Variants in ANK2 observed in about 807,000 individuals in gnomAD.
ANK2 encodes ankyrin-2.
A neutral mutation model predicts 360.5 loss-of-function variants in ANK2; 83 were observed. That is an observed-to-expected ratio of 0.23 (90% CI 0.19 to 0.28). ANK2 has a LOEUF of 0.28. ANK2 is among the 10% of genes least tolerant of loss of function. ANK2 has a pLI of 1.00. For synonymous variants in ANK2, 1,740 were observed against 1,759.5 expected, an observed-to-expected ratio of 0.99 and a Z score of 0.28; for missense variants, 4,201 against 4,795.7, an observed-to-expected ratio of 0.88 and a Z score of 3.66.
rs1392480337 is a variant in ANK2, at chr4:113,373,705, T to C, written c.11859+256T>C. 6.0e-5 allele frequency: 38 copies of C among 633,204 alleles called. No individual in the cohort carries two copies. The East Asian group carries it at 1.2e-3, about 20-fold the overall frequency. 39.2% of individuals were successfully genotyped at this position (633,204 alleles called of 1,614,324 possible). Reference sequence around the variant, plus strand: ...AAATATCTATTCTTTATTTAATTCATGGTTGACCACTGCAGAAATCCAAAA... The same window carrying C: ...AAATATCTATTCTTTATTTAATTCACGGTTGACCACTGCAGAAATCCAAAA... On this transcript the variant is annotated intron_variant, in intron 45 of 45. Transcript: ENST00000357077.
intron 2 of ANK2, among the ~76,000 whole-genome samples, chr4:113,022,292 A>T (rs1354350974): frequency 6.6e-6 from 1 of 152,208 alleles, no homozygotes; most frequent in Admixed American, 6.5e-5. Context: ...GAGGAAAAGC[A>T]TTACTTCTAT....
At chr4:112,957,015 T>G (rs1022901113) in intron 2 of ANK2, among the ~76,000 whole-genome samples, 6 of 146,408 alleles carry the variant, frequency 4.1e-5, no homozygotes, top group South Asian at 2.2e-4. Context: ...TTGTTTTTTT[T>G]TTTTTTTTTT....
chr4:113,337,830 A>G (rs1360452270), intron 31 of ANK2, among the ~76,000 whole-genome samples: 2 of 152,064 alleles, frequency 1.3e-5, no homozygotes, highest in African/African-American at 4.8e-5. Context: ...CTTTCCCATA[A>G]TTCCAGCCCC....
intron 1 of ANK2, among the ~76,000 whole-genome samples, chr4:113,131,972 C>G (rs1469738958): frequency 1.3e-5 from 2 of 152,114 alleles, no homozygotes; most frequent in African/African-American, 4.8e-5. Context: ...CCTCTTTGAG[C>G]TGAATTATCA....
At position 113,372,582 on chromosome 4, in the gene ANK2, C is replaced by T. The variant is rs1208631691; in HGVS notation, c.11611-508C>T. The T allele has an allele frequency of 1.2e-5, 18 of 1,535,888 alleles. 1 individual carries two copies. Among genetic ancestry groups the T allele is most frequent in the South Asian group, 8.3e-5 (7 of 84,054 alleles). ...CTGGAGGCCAGCTCAGATGAGGAGG[C>T]GATGGTAACTACCAGGGTTGTCCGC... On this transcript the variant is annotated intron_variant, in intron 43 of 45. Transcript: ENST00000357077.
At chr4:113,108,285 A>G (rs765856115) in intron 1 of ANK2, among the ~76,000 whole-genome samples, 1 of 152,122 alleles carries the variant, frequency 6.6e-6, no homozygotes, top group Non-Finnish European at 1.5e-5. Context: ...AATCTTTTTG[A>G]TTTGTTTCAG....
intron 26 of ANK2, among the ~76,000 whole-genome samples, chr4:113,324,388 A>C (rs2088457461): frequency 6.6e-6 from 1 of 152,156 alleles, no homozygotes; most frequent in South Asian, 2.1e-4. Context: ...ATTTAAAGTT[A>C]TTTTTAAAGG....
chr4:113,245,460 G>A (rs1235724447), intron 9 of ANK2, among the ~76,000 whole-genome samples: 1 of 152,148 alleles, frequency 6.6e-6, no homozygotes, highest in Non-Finnish European at 1.5e-5. Flanking sequence ...GGCTGGGGAG[G>A]CATCAGGAAA....
chr4:112,917,255 G>A (rs1487020308), intron 2 of ANK2, among the ~76,000 whole-genome samples: 7 of 152,284 alleles, frequency 4.6e-5, no homozygotes, highest in South Asian at 4.1e-4. Flanking sequence ...GATAACTCTC[G>A]TGGATCTAAA....
chr4:113,239,220 C>T (rs1382852552), intron 7 of ANK2, among the ~76,000 whole-genome samples: 2 of 151,990 alleles, frequency 1.3e-5, no homozygotes, highest in Non-Finnish European at 2.9e-5. Context: ...TTAATAGTAA[C>T]TGTTCTTATT....
chr4:112,788,171 C>T, the ANK2 span: 3 of 1,583,852 alleles, frequency 1.9e-6, no homozygotes, highest in Non-Finnish European at 2.6e-6. Context: ...GATGTTGCCA[C>T]CCCAGTGACG....
intron 8 of ANK2, among the ~76,000 whole-genome samples, chr4:113,241,033 A>G (rs2039556721): frequency 6.6e-6 from 1 of 152,204 alleles, no homozygotes; most frequent in Non-Finnish European, 1.5e-5. Context: ...AATACATAAA[A>G]GGTGTCACAT....
At chr4:112,863,360 A>G (rs2068783429) in intron 1 of ANK2, among the ~76,000 whole-genome samples, 2 of 152,080 alleles carry the variant, frequency 1.3e-5, no homozygotes, top group Admixed American at 1.3e-4. Flanking sequence ...TTTAATAATT[A>G]TGTATTACTC....
At chr4:113,322,755 G>A (rs556145969) in intron 26 of ANK2, among the ~76,000 whole-genome samples, 2 of 152,246 alleles carry the variant, frequency 1.3e-5, no homozygotes, top group African/African-American at 4.8e-5. Context: ...CAAAAATAAA[G>A]TCTATTTTAA....
Position 112,959,540 on chromosome 4 carries a change from G to A in ANK2, c.21+55026G>A, listed in dbSNP as rs944554317. 2.0e-5 allele frequency among the ~76,000 whole-genome samples: 3 copies of A among 152,112 alleles called. 1 individual carries two copies. The highest frequency in any genetic ancestry group is 1.3e-4 in the Admixed American group (2 of 15,266). On this transcript the variant is annotated intron_variant, in intron 2 of 30. Transcript: ENST00000503271. Reference sequence around the variant, plus strand: ...TGAAGGTTTGGGAACTTTGTGAATAGGTTATGGGAAACACTCACATGTGAT... The same window carrying A: ...TGAAGGTTTGGGAACTTTGTGAATAAGTTATGGGAAACACTCACATGTGAT...
chr4:113,123,226 T>G (rs977114795), intron 1 of ANK2, among the ~76,000 whole-genome samples: 1 of 152,072 alleles, frequency 6.6e-6, no homozygotes, highest in Admixed American at 6.6e-5. Context: ...AATTAATTCT[T>G]TCGTTACCTT....
chr4:113,224,387 C>G (rs552368299), intron 4 of ANK2, among the ~76,000 whole-genome samples: 1 of 152,280 alleles, frequency 6.6e-6, no homozygotes, highest in Non-Finnish European at 1.5e-5. Flanking sequence ...ACACTTATGT[C>G]GAGGCCTGAA....
chr4:112,847,229 G>A (rs1370474975), intron 1 of ANK2, among the ~76,000 whole-genome samples: 2 of 152,138 alleles, frequency 1.3e-5, no homozygotes, highest in African/African-American at 2.4e-5. Flanking sequence ...TGTGTCCTGT[G>A]GATACTGCAA....
At chr4:113,152,065 CAAAAAAAAAAAAAG>C (rs1293367941) in intron 1 of ANK2, among the ~76,000 whole-genome samples, 26,967 of 61,382 alleles carry the variant, frequency 0.44, 3,145 homozygotes, top group Non-Finnish European at 0.46. Context: ...GTCTCTGTCT[CAAAAAAAAAAAAAG>C]AAAAAAAAAA....
Sources: gnomAD v4.1 joint callset for allele counts (sites outside exome capture counted in the v4.1 genomes callset) on GRCh38, gnomAD v4.1.1 for gene constraint, MANE v1.5 for transcripts, NCBI Gene and HGNC (gene_info 2026-07-23, HGNC 2026-07-21) for gene names.